The following MITF variants were observed in gnomAD, a reference collection of about 807,000 sequenced individuals.
MITF encodes melanocyte inducing transcription factor.
In MITF, 17 loss-of-function variants were observed where a neutral mutation model predicts 60.5. The observed-to-expected ratio is 0.28, with a 90% confidence interval of 0.19 to 0.42. The LOEUF (loss-of-function observed/expected upper bound fraction) is 0.42. Ranked by LOEUF, MITF falls within the 10% of genes least tolerant of loss-of-function variation. The probability of loss-of-function intolerance (pLI) is 1.00; values close to 1 mark genes in which losing one functional copy is unlikely to be tolerated. For missense variants in MITF, 622 were observed against 683.5 expected (o/e 0.91, Z 1.00); for synonymous variants, 260 against 248.5 (o/e 1.05, Z -0.43).
At chr3:69,935,827 A>G (rs2065820785) in intron 2 of MITF, among the ~76,000 whole-genome samples, 1 of 152,194 alleles carries the variant, frequency 6.6e-6, no homozygotes, top group African/African-American at 2.4e-5. Context: ...TTTAGCACTT[A>G]ACAGTCAATA....
intron 1 of MITF, among the ~76,000 whole-genome samples, chr3:69,848,126 C>T (rs1305848192): frequency 1.2e-4 from 19 of 152,146 alleles, no homozygotes; most frequent in East Asian, 7.7e-4. Flanking sequence ...GAAAGCTTTG[C>T]GAATTTATAA....
chr3:69,763,529 G>A, intron 1 of MITF: 1 of 1,104,822 alleles, frequency 9.1e-7, no homozygotes, highest in Non-Finnish European at 1.1e-6. Context: ...TGCTGCCAAG[G>A]ATCCTGTTAA....
intron 4 of MITF, 138 bp downstream of exon 4, chr3:69,939,319 A>G: frequency 1.3e-6 from 1 of 753,800 alleles, no homozygotes; most frequent in South Asian, 1.7e-5. Context: ...AGCTAGGAAC[A>G]TTGCCATTTT....
chr3:69,793,153 A>G (rs934049930), intron 1 of MITF, among the ~76,000 whole-genome samples: 1 of 151,742 alleles, frequency 6.6e-6, no homozygotes, highest in Non-Finnish European at 1.5e-5. Context: ...AGCTGGAACT[A>G]TAGGCGCTTG....
chr3:69,756,919 G>A (rs1468098044), intron 1 of MITF, among the ~76,000 whole-genome samples: 3 of 152,090 alleles, frequency 2.0e-5, no homozygotes, highest in Admixed American at 6.6e-5. Flanking sequence ...TTTGTTGGCC[G>A]CATAAATGTC....
At chr3:69,805,473 TG>T (rs1364752282) in intron 1 of MITF, among the ~76,000 whole-genome samples, 1 of 151,946 alleles carries the variant, frequency 6.6e-6, no homozygotes, top group Admixed American at 6.6e-5. Flanking sequence ...TGGGTTTTTT[TG>T]CAGTGATTAA....
chr3:69,763,846 G>T, intron 1 of MITF: 1 of 1,370,344 alleles, frequency 7.3e-7, no homozygotes, highest in Non-Finnish European at 9.7e-7. Flanking sequence ...AGTCAAATGG[G>T]ACACCTTGAA....
rs545454300 is a variant in MITF at position 69,961,904 on chromosome 3, G to C, written c.1179+2484G>C. ...TGTGCATTGGAAATTCCATGGTGAC[G>C]ATATCTTGGTTTTCTTCCAGTGACG... On this transcript the variant is annotated intron_variant, in intron 9 of 9. Transcript: ENST00000352241. Among the ~76,000 whole-genome samples, 18 of 152,306 alleles carry C rather than the reference G, an allele frequency of 1.2e-4. No homozygotes were observed. In the East Asian group the frequency reaches 3.5e-3, roughly 29 times the overall value.
At chr3:69,963,813 T>G (rs1289041946) in intron 9 of MITF, among the ~76,000 whole-genome samples, 2 of 152,160 alleles carry the variant, frequency 1.3e-5, no homozygotes, top group African/African-American at 4.8e-5. Flanking sequence ...AGTTTAGTAG[T>G]TCTCAGGTAG....
chr3:69,837,295 A>T (rs537153042), intron 1 of MITF, among the ~76,000 whole-genome samples: 13 of 152,360 alleles, frequency 8.5e-5, no homozygotes, highest in African/African-American at 3.1e-4. Flanking sequence ...AAAAGATAAT[A>T]CGTGTCCACT....
chr3:69,747,086 C>T (rs998133361), intron 1 of MITF, among the ~76,000 whole-genome samples: 2 of 152,170 alleles, frequency 1.3e-5, no homozygotes, highest in Non-Finnish European at 2.9e-5. Context: ...TCTTTAATGG[C>T]TGACCTTTCT....
intron 1 of MITF, among the ~76,000 whole-genome samples, chr3:69,756,708 A>ACAC (rs1233231306): frequency 2.6e-5 from 4 of 152,172 alleles, no homozygotes; most frequent in African/African-American, 9.7e-5. Flanking sequence ...AGGAATTGCC[A>ACAC]CACTGTCATC....
At chr3:69,786,998 G>A (rs532503279) in intron 1 of MITF, among the ~76,000 whole-genome samples, 1 of 152,274 alleles carries the variant, frequency 6.6e-6, no homozygotes, top group South Asian at 2.1e-4. Flanking sequence ...CTTTTAGAGT[G>A]TTGCTGGTTC....
intron 1 of MITF, among the ~76,000 whole-genome samples, chr3:69,872,670 T>C (rs1482797927): frequency 2.0e-5 from 3 of 152,198 alleles, no homozygotes; most frequent in African/African-American, 7.2e-5. Context: ...TTTTATCTAA[T>C]CAGTCATTGA....
At chr3:69,939,749 T>G (rs1438881572) in intron 4 of MITF, among the ~76,000 whole-genome samples, 1 of 152,158 alleles carries the variant, frequency 6.6e-6, no homozygotes, top group African/African-American at 2.4e-5. Flanking sequence ...TTTGTTGCCT[T>G]TCTATGTTTC....
At chr3:69,789,770 T>C (rs2062709278) in intron 1 of MITF, among the ~76,000 whole-genome samples, 1 of 152,158 alleles carries the variant, frequency 6.6e-6, no homozygotes, top group African/African-American at 2.4e-5. Flanking sequence ...GCGTGCGAAT[T>C]GCTTGAACCC....
At chr3:69,844,778 T>C (rs553875750) in intron 1 of MITF, among the ~76,000 whole-genome samples, 32 of 151,928 alleles carry the variant, frequency 2.1e-4, no homozygotes, top group Non-Finnish European at 3.7e-4. Flanking sequence ...CTTTTTTTTT[T>C]CAAACAAAAA....
At chr3:69,928,343 A>G (rs545145149) in intron 2 of MITF, among the ~76,000 whole-genome samples, 137 of 152,246 alleles carry the variant, frequency 9.0e-4, no homozygotes, top group African/African-American at 3.2e-3. Context: ...GAGATTGTTC[A>G]TTTCATGTAG....
chr3:69,806,299 C>G (rs1452159717), intron 1 of MITF, among the ~76,000 whole-genome samples: 1 of 151,974 alleles, frequency 6.6e-6, no homozygotes, highest in Non-Finnish European at 1.5e-5. Context: ...GTTGGCCAGG[C>G]TGGTCTTGAA....
Sources: gnomAD v4.1 joint callset for allele counts (sites outside exome capture counted in the v4.1 genomes callset) on GRCh38, gnomAD v4.1.1 for gene constraint, MANE v1.5 for transcripts, NCBI Gene and HGNC (gene_info 2026-07-23, HGNC 2026-07-21) for gene names.